UQCRFS1: variants seen among roughly 807,000 people sequenced by gnomAD.
UQCRFS1 encodes the protein ubiquinol-cytochrome c reductase, Rieske iron-sulfur polypeptide 1.
UQCRFS1 carries 6 observed loss-of-function variants against 15.6 expected under a neutral mutation model. That is an observed-to-expected ratio of 0.38 (90% CI 0.21 to 0.76). UQCRFS1 has a LOEUF of 0.76. Ranked by LOEUF, UQCRFS1 falls within the 30% of genes least tolerant of loss-of-function variation. The pLI, the probability that UQCRFS1 is intolerant of heterozygous loss-of-function variation, is 0.44. For synonymous variants in UQCRFS1, 105 were observed against 154.3 expected, an observed-to-expected ratio of 0.68 and a Z score of 2.37; for missense variants, 203 against 366.7, an observed-to-expected ratio of 0.55 and a Z score of 3.65.
At chr19:29,211,758 A>T (rs1022735964) in intron 1 of UQCRFS1, among the ~76,000 whole-genome samples, 36 of 152,234 alleles carry the variant, frequency 2.4e-4, no homozygotes, top group African/African-American at 7.2e-4. Flanking sequence ...GACCATGAAG[A>T]AAGTGCAGAG....
At position 29,207,659 on chromosome 19, in the gene UQCRFS1, G is replaced by A; in HGVS notation, c.714C>T (p.Cys238=). ...AGDFGGYYCP[C]HGSHYDASGR... is the part of the protein sequence containing the mutation. ...CAGATGCATCATAGTGTGACCCATGGCAAGGGCAGTAATAACCACCAAAAT... is the reference window on the plus strand; with the variant it reads ...CAGATGCATCATAGTGTGACCCATGACAAGGGCAGTAATAACCACCAAAAT... Residue 238 remains cysteine, a synonymous_variant, in exon 2 of 2, where the codon TGC becomes TGT. Coordinates refer to ENST00000304863, the MANE Select transcript of UQCRFS1 (RefSeq NM_006003.3). 6.2e-6 allele frequency: 10 copies of A among 1,613,950 alleles called. No homozygotes were observed. Among genetic ancestry groups the A allele is most frequent in the Non-Finnish European group, 8.5e-6 (10 of 1,179,868 alleles).
Position 29,207,580 on chromosome 19 carries a change from A to T in UQCRFS1, c.793T>A (p.Phe265Ile). 1 of 1,613,426 alleles carries T rather than the reference A, an allele frequency of 6.2e-7. No individual in the cohort carries two copies. Among genetic ancestry groups the T allele is most frequent in the Non-Finnish European group, 8.5e-7 (1 of 1,179,468 alleles). The change falls in exon 2 of 2, where the codon TTC (phenylalanine) becomes ATC (isoleucine). Residue 265 changes from phenylalanine to isoleucine, a missense_variant. Phe to Ile is a conservative substitution (Grantham distance 21, BLOSUM62 0). Transcript: ENST00000304863. ...ACAATCACCATATCGTCACTGGTGA[A>T]CTCATACGTGGGGACTTCAAGGTTG... is the stretch of plus-strand genomic sequence containing the variant. Reference protein sequence around the residue: ...PLNLEVPTYEFTSDDMVIVG With the variant: ...PLNLEVPTYEITSDDMVIVG
rs4805344 is a variant in UQCRFS1, at chr19:29,207,902, G to A, written c.471C>T (p.Ser157=). The A allele has an allele frequency of 3.1e-3, 4,962 of 1,613,898 alleles. 111 individuals carry two copies. In the East Asian group the frequency reaches 0.061, roughly 20 times the overall value. ...CCATGTTCTTGCCTTCTGGAATATC[G>A]GATAACTTGATTTCGATTTTCGCCA... The part of the protein sequence containing the change: ...LALAKIEIKL[S]DIPEGKNMAF... The change falls in exon 2 of 2, where the codon TCC becomes TCT. Residue 157 remains serine (S), a synonymous_variant. Coordinates refer to ENST00000304863, the MANE Select transcript of UQCRFS1 (RefSeq NM_006003.3).
intron 1 of UQCRFS1, among the ~76,000 whole-genome samples, chr19:29,208,426 ACATTGCTGAT>A (rs1976614257): frequency 6.6e-6 from 1 of 152,246 alleles, no homozygotes; most frequent in Admixed American, 6.5e-5. Flanking sequence ...AGTTGGTTGA[ACATTGCTGAT>A]TCAGGATTCA....
chr19:29,210,371 T>TA (rs1230655230), intron 1 of UQCRFS1, among the ~76,000 whole-genome samples: 1 of 151,736 alleles, frequency 6.6e-6, no homozygotes, highest in African/African-American at 2.4e-5. Context: ...CAATTTTTTT[T>TA]TTATTATACT....
intron 1 of UQCRFS1, among the ~76,000 whole-genome samples, chr19:29,208,610 C>T (rs923292269): frequency 2.6e-5 from 4 of 152,338 alleles, no homozygotes; most frequent in East Asian, 3.9e-4. Flanking sequence ...CTAGTCCACA[C>T]AGTAAGTTGA....
intron 1 of UQCRFS1, among the ~76,000 whole-genome samples, chr19:29,210,146 T>G (rs1204166229): frequency 1.3e-5 from 2 of 152,198 alleles, no homozygotes; most frequent in African/African-American, 4.8e-5. Flanking sequence ...CTTGGAAATC[T>G]GCATGAAAAT....
chr19:29,210,443 G>A (rs936466833), intron 1 of UQCRFS1, among the ~76,000 whole-genome samples: 5 of 151,582 alleles, frequency 3.3e-5, no homozygotes, highest in Admixed American at 2.0e-4. Flanking sequence ...CATGTGCCAT[G>A]CTGGTGTGCT....
Position 29,207,475 on chromosome 19 carries a change from A to C in UQCRFS1, c.*73T>G, listed in dbSNP as rs566647932. 8.6e-4 allele frequency: 1,260 copies of C among 1,465,584 alleles called. 3 individuals are homozygous for C. The highest frequency in any genetic ancestry group is 4.1e-3 in the South Asian group (288 of 70,914). 90.8% of individuals were successfully genotyped at this position (1,465,584 alleles called of 1,614,324 possible). A position where few individuals can be genotyped will look rare whatever the true frequency, so the allele number is the denominator to read the frequency against. Reference sequence around the variant, plus strand: ...ATTTCAAATCAACTTCAAGTACAGAAGGCTTCCTCTCAAATAAGTCTCCTG... The same window carrying C: ...ATTTCAAATCAACTTCAAGTACAGACGGCTTCCTCTCAAATAAGTCTCCTG... On this transcript the variant is annotated 3_prime_UTR_variant, in exon 2 of 2. Transcript: ENST00000304863.
In UQCRFS1 at chr19:29,207,467, A is replaced by T. The variant is rs1016519629; in HGVS notation, c.*81T>A. ...TCTTACATATTTCAAATCAACTTCA[A>T]GTACAGAAGGCTTCCTCTCAAATAA... On this transcript the variant is annotated 3_prime_UTR_variant, in exon 2 of 2. Transcript: ENST00000304863. 7.0e-7 allele frequency: 1 copy of T among 1,436,190 alleles called. No homozygotes were observed. Among genetic ancestry groups the T allele is most frequent in the African/African-American group, 1.4e-5 (1 of 70,052 alleles). 89.0% of individuals were successfully genotyped at this position (1,436,190 alleles called of 1,614,324 possible).
Position 29,213,102 on chromosome 19 carries a change from G to A in UQCRFS1, c.17C>T (p.Ser6Phe), listed in dbSNP as rs1331483264. 3 of 1,515,908 alleles carry A rather than the reference G, an allele frequency of 2.0e-6. No individual in the cohort carries two copies. Among genetic ancestry groups the A allele is most frequent in the African/African-American group, 2.9e-5 (2 of 69,970 alleles). The allele number at this position is 1,515,908 out of a possible 1,614,324, so 93.9% of individuals were successfully genotyped here. MLSVA[S>F]RSGPFAPVLS... ...GACGGGCGCGAACGGGCCTGAGCGG[G>A]ATGCTACCGACAACATGGCGACAGC... is the stretch of plus-strand genomic sequence containing the variant. Residue 6 changes from serine (S) to phenylalanine (F), a missense_variant, in exon 1 of 2, where the codon TCC (serine) becomes TTC (phenylalanine). Physicochemically the swap from Ser to Phe is radical, Grantham distance 155. Around this residue, in one of 3 missense-constraint regions of UQCRFS1, gnomAD observed 20 missense variants for 59.3 expected, o/e 0.34. Coordinates refer to ENST00000304863, the MANE Select transcript of UQCRFS1 (RefSeq NM_006003.3).
At position 29,207,082 on chromosome 19, in the gene UQCRFS1, T is replaced by G. The variant is rs953730316; in HGVS notation, c.*466A>C. Reference sequence around the variant, plus strand: ...TAGGGAGGAAATGCATAGCCAGGACTCTTACCAAGTCCGGTAAATAAGGAA... The same window carrying G: ...TAGGGAGGAAATGCATAGCCAGGACGCTTACCAAGTCCGGTAAATAAGGAA... On this transcript the variant is annotated 3_prime_UTR_variant, in exon 2 of 2. Coordinates refer to ENST00000304863, the MANE Select transcript of UQCRFS1 (RefSeq NM_006003.3). 3 of 159,246 alleles carry G rather than the reference T, an allele frequency of 1.9e-5. No individual in the cohort carries two copies. The highest frequency in any genetic ancestry group is 4.1e-5 in the Non-Finnish European group (3 of 72,734). 9.9% of individuals were successfully genotyped at this position (159,246 alleles called of 1,614,324 possible). A position where few individuals can be genotyped will look rare whatever the true frequency, so the allele number is the denominator to read the frequency against.
At chr19:29,211,167 T>C (rs1216682737) in intron 1 of UQCRFS1, among the ~76,000 whole-genome samples, 4 of 107,362 alleles carry the variant, frequency 3.7e-5, no homozygotes, top group African/African-American at 1.1e-4. Flanking sequence ...TACAATGAAC[T>C]CAAACAAATT....
At chr19:29,208,460 C>A (rs1976614513) in intron 1 of UQCRFS1, among the ~76,000 whole-genome samples, 1 of 152,196 alleles carries the variant, frequency 6.6e-6, no homozygotes, top group Admixed American at 6.5e-5. Context: ...CACCTCAGTG[C>A]ATCATGCTAA....
At position 29,208,166 on chromosome 19, in the gene UQCRFS1, A is replaced by G. The variant is rs1189726823; in HGVS notation, c.215-8T>C. On this transcript the variant is annotated splice_region_variant and splice_polypyrimidine_tract_variant and intron_variant, in intron 1 of 1. Transcript: ENST00000304863. ...AACAAACAGAAGCAGGGACTGCAAGACAAACAGAAGGTTAAAAAACACAAT... is the reference window on the plus strand; with the variant it reads ...AACAAACAGAAGCAGGGACTGCAAGGCAAACAGAAGGTTAAAAAACACAAT... The G allele has an allele frequency of 6.2e-7, 1 of 1,600,070 alleles. No homozygotes were observed. Among genetic ancestry groups the G allele is most frequent in the East Asian group, 2.2e-5 (1 of 44,826 alleles).
chr19:29,210,687 A>C (rs536308030), intron 1 of UQCRFS1, among the ~76,000 whole-genome samples: 4 of 152,042 alleles, frequency 2.6e-5, no homozygotes, highest in Non-Finnish European at 5.9e-5. Context: ...AAGGACATGA[A>C]CTCATCATTT....
chr19:29,210,910 T>C (rs553266054), intron 1 of UQCRFS1, among the ~76,000 whole-genome samples: 11 of 152,006 alleles, frequency 7.2e-5, no homozygotes, highest in Admixed American at 7.2e-4. Context: ...GTATTTCTAG[T>C]TCTAGATCCC....
intron 1 of UQCRFS1, 22 bp downstream of exon 1, chr19:29,212,883 C>T: frequency 1.4e-6 from 2 of 1,424,324 alleles, no homozygotes; most frequent in South Asian, 2.9e-5. Context: ...CAGCCCTGCT[C>T]GCGGCCCTCG....
Position 29,207,414 on chromosome 19 carries a change from C to T in UQCRFS1, c.*134G>A. ...TCAACATTAAATTCAATTTATTTCA[C>T]ATTAATGTTTGCAAATACATCATCA... On this transcript the variant is annotated 3_prime_UTR_variant, in exon 2 of 2. Transcript: ENST00000304863. 9.1e-7 allele frequency: 1 copy of T among 1,102,602 alleles called. No individual in the cohort carries two copies. Among genetic ancestry groups the T allele is most frequent in the Middle Eastern group, 3.0e-4 (1 of 3,312 alleles). 68.3% of individuals were successfully genotyped at this position (1,102,602 alleles called of 1,614,324 possible). A position where few individuals can be genotyped will look rare whatever the true frequency, so the allele number is the denominator to read the frequency against.
Sources: gnomAD v4.1 joint callset for allele counts (sites outside exome capture counted in the v4.1 genomes callset) on GRCh38, gnomAD v4.1.1 for gene constraint, gnomAD v4.1.1 regional missense constraint, MANE v1.5 for transcripts, NCBI Gene and HGNC (gene_info 2026-07-23, HGNC 2026-07-21) for gene names.